Variants in ABCA13 observed in about 807,000 individuals in gnomAD.
ABCA13 encodes ATP-binding cassette sub-family A member 13.
In ABCA13, 476 loss-of-function variants were observed where a neutral mutation model predicts 478.7. That is an observed-to-expected ratio of 0.99 (90% confidence interval 0.92 to 1.07). The LOEUF is 1.07. ABCA13 is among the 50% of genes least tolerant of loss of function. The pLI is 0.00. For synonymous variants in ABCA13, 2,252 were observed against 2,158.9 expected, an observed-to-expected ratio of 1.04 and a Z score of -1.20; for missense variants, 6,060 against 5,910.6, an observed-to-expected ratio of 1.03 and a Z score of -0.83.
rs1445275399 is a variant in ABCA13, at chr7:48,272,496, A to G, written c.2830A>G (p.Ile944Val). 1 of 1,613,806 alleles carries G rather than the reference A, an allele frequency of 6.2e-7. No individual in the cohort carries two copies. Among genetic ancestry groups the G allele is most frequent in the Non-Finnish European group, 8.5e-7 (1 of 1,179,770 alleles). Residue 944 changes from isoleucine (I) to valine (V), a missense_variant, in exon 17 of 62, where the codon ATT becomes GTT. This residue lies in a region of ABCA13 where 4,423 missense variants were observed against 4,309.1 expected (regional missense o/e 1.03). Coordinates refer to ENST00000435803, the MANE Select transcript of ABCA13 (RefSeq NM_152701.5). ...SEPQKQEVDK[I>V]LTHIHLNVFQ... is the part of the protein sequence containing the mutation. ...ACCACAAAAACAAGAAGTTGATAAA[A>G]TTTTGACTCACATACACCTAAATGT... is the stretch of plus-strand genomic sequence containing the variant.
At chr7:48,380,822 G>A (rs924795387) in intron 35 of ABCA13, among the ~76,000 whole-genome samples, 3 of 152,216 alleles carry the variant, frequency 2.0e-5, no homozygotes, top group African/African-American at 7.2e-5. Flanking sequence ...ACTCACCTGT[G>A]GATGTGCCTT....
intron 3 of ABCA13, among the ~76,000 whole-genome samples, chr7:48,218,435 T>A (rs553436029): frequency 1.8e-4 from 27 of 152,306 alleles, no homozygotes; most frequent in African/African-American, 5.3e-4. Context: ...TGTAATCCCA[T>A]ACTTTGGAAG....
At chr7:48,290,940 G>GAAAAAAAAAAAAAAAAAAAAAAAAAAAAA (rs57470116) in intron 20 of ABCA13, among the ~76,000 whole-genome samples, 1 of 48,792 alleles carries the variant, frequency 2.0e-5, no homozygotes, top group African/African-American at 5.5e-5. Flanking sequence ...CACACTCAGG[G>GAAAAAAAAAAAAAAAAAAAAAAAAAAAAA]AAAAAAAAAA....
At chr7:48,575,567 A>G (rs1028860763) in intron 55 of ABCA13, among the ~76,000 whole-genome samples, 1 of 152,228 alleles carries the variant, frequency 6.6e-6, no homozygotes, top group East Asian at 1.9e-4. Context: ...AAATTGTTCT[A>G]CTGTGTAGAT....
At chr7:48,207,390 T>C (rs1785064335) in intron 3 of ABCA13, among the ~76,000 whole-genome samples, 1 of 152,162 alleles carries the variant, frequency 6.6e-6, no homozygotes, top group Non-Finnish European at 1.5e-5. Flanking sequence ...TTCTCCATAG[T>C]GGCTGTACTG....
chr7:48,492,227 T>C (rs1829903398), intron 48 of ABCA13, among the ~76,000 whole-genome samples: 1 of 152,148 alleles, frequency 6.6e-6, no homozygotes, highest in Non-Finnish European at 1.5e-5. Flanking sequence ...AGCTGGCCTT[T>C]GCATCACTGC....
chr7:48,430,012 T>C (rs1232280680), intron 42 of ABCA13, among the ~76,000 whole-genome samples: 1 of 152,152 alleles, frequency 6.6e-6, no homozygotes, highest in African/African-American at 2.4e-5. Context: ...TCTTGCAGTG[T>C]CTTTGGCGCT....
chr7:48,587,479 T>C (rs73694689), intron 57 of ABCA13, among the ~76,000 whole-genome samples, 191 bp downstream of exon 57: 3,328 of 152,330 alleles, frequency 0.022, 86 homozygotes, highest in African/African-American at 0.067. Flanking sequence ...AAACATTTAT[T>C]TTTTGCTAGA....
chr7:48,591,090 A>G (rs1554577302), intron 57 of ABCA13, among the ~76,000 whole-genome samples: 1 of 150,804 alleles, frequency 6.6e-6, no homozygotes, highest in Non-Finnish European at 1.5e-5. Context: ...TTTTTTTTCT[A>G]CAAGTTTCAT....
chr7:48,365,795 G>A lies in ABCA13; in HGVS notation c.10689-1999G>A, dbSNP rs187616506. 2.2e-3 allele frequency among the ~76,000 whole-genome samples: 339 copies of A among 152,202 alleles called. 2 individuals are homozygous for A. Among genetic ancestry groups the A allele is most frequent in the Non-Finnish European group, 6.5e-4 (44 of 67,978 alleles). ...GTTTATGTGTCTGTTTTTAACCAAA[G>A]AAGTGAAAGATATCTACAAAGAAAA... On this transcript the variant is annotated intron_variant, in intron 31 of 61. Transcript: ENST00000435803.
chr7:48,202,331 A>G (rs1278309293), intron 3 of ABCA13, among the ~76,000 whole-genome samples: 1 of 152,158 alleles, frequency 6.6e-6, no homozygotes, highest in East Asian at 1.9e-4. Flanking sequence ...CCACGTCCCC[A>G]TCAGATTAGT....
chr7:48,391,482 C>T lies in ABCA13; in HGVS notation c.11655-439C>T, dbSNP rs540511718. 2.6e-5 allele frequency among the ~76,000 whole-genome samples: 4 copies of T among 152,256 alleles called. No homozygotes were observed. In the South Asian group the frequency reaches 6.2e-4, roughly 24 times the overall value. On this transcript the variant is annotated intron_variant, in intron 37 of 61. Coordinates refer to ENST00000435803, the MANE Select transcript of ABCA13 (RefSeq NM_152701.5). Reference sequence around the variant, plus strand: ...TTTCAGTACAATATTCAATAAATTGCAAGAGATATTCAACACCTTATTATA... The same window carrying T: ...TTTCAGTACAATATTCAATAAATTGTAAGAGATATTCAACACCTTATTATA...
chr7:48,352,229 CTG>C lies in ABCA13; in HGVS notation c.10432_10433del (p.Val3478GlnfsTer38). ...TTCGACAAGAACTTCAGATCAGAGT[CTG>C]TCAAACTGCCACCCCATGTCTCATA... On this transcript the variant is annotated frameshift_variant, in exon 31 of 62. Transcript: ENST00000435803. LOFTEE classifies it high-confidence loss of function. The C allele has an allele frequency of 4.3e-6, 7 of 1,610,710 alleles. No homozygotes were observed. The highest frequency in any genetic ancestry group is 5.9e-6 in the Non-Finnish European group (7 of 1,178,216).
chr7:48,395,730 A>G (rs142445789), intron 38 of ABCA13, among the ~76,000 whole-genome samples: 3 of 152,302 alleles, frequency 2.0e-5, no homozygotes, highest in African/African-American at 7.2e-5. Flanking sequence ...TTTTTAAATA[A>G]CATTTTTTTC....
At chr7:48,557,865 T>C (rs1786005909) in intron 55 of ABCA13, among the ~76,000 whole-genome samples, 1 of 152,176 alleles carries the variant, frequency 6.6e-6, no homozygotes, top group Non-Finnish European at 1.5e-5. Context: ...TTCTCTGATA[T>C]TATCCCTTTG....
rs182609468 is a variant in ABCA13, at chr7:48,443,539, C to G, written c.12566-11498C>G. Among the ~76,000 whole-genome samples, 51 of 152,332 alleles carry G rather than the reference C, an allele frequency of 3.3e-4. 1 individual carries two copies. The East Asian group carries it at 9.4e-3, about 28-fold the overall frequency. On this transcript the variant is annotated intron_variant, in intron 42 of 61. Transcript: ENST00000435803. Reference sequence around the variant, plus strand: ...TTCCTCCAATATTTAGTACATGCTTCTCTCACAGGTTTCACTTTGCTGATT... The same window carrying G: ...TTCCTCCAATATTTAGTACATGCTTGTCTCACAGGTTTCACTTTGCTGATT...
chr7:48,441,076 T>A (rs567596429), intron 42 of ABCA13, among the ~76,000 whole-genome samples: 1 of 152,326 alleles, frequency 6.6e-6, no homozygotes, highest in South Asian at 2.1e-4. Context: ...ACAAATTTGA[T>A]ATGAGATTGC....
At chr7:48,566,706 G>A (rs1235157859) in intron 55 of ABCA13, among the ~76,000 whole-genome samples, 1 of 152,110 alleles carries the variant, frequency 6.6e-6, no homozygotes, top group East Asian at 1.9e-4. Flanking sequence ...CATGGAAAAT[G>A]GGTCCTGTTC....
At chr7:48,303,034 T>A (rs1800375457) in intron 23 of ABCA13, among the ~76,000 whole-genome samples, 1 of 152,134 alleles carries the variant, frequency 6.6e-6, no homozygotes, top group Non-Finnish European at 1.5e-5. Context: ...ATCATTCTAA[T>A]TGGTGTGAGA....
Sources: gnomAD v4.1 joint callset for allele counts (sites outside exome capture counted in the v4.1 genomes callset) on GRCh38, gnomAD v4.1.1 for gene constraint, gnomAD v4.1.1 regional missense constraint, MANE v1.5 for transcripts, NCBI Gene and HGNC (gene_info 2026-07-23, HGNC 2026-07-21) for gene names.